Variants in HMCN1 observed in about 807,000 individuals in gnomAD.
HMCN1 encodes the protein hemicentin-1.
HMCN1 carries 321 observed loss-of-function variants against 625.9 expected under a neutral mutation model. That is an observed-to-expected ratio of 0.51 (90% CI 0.47 to 0.56). HMCN1 has a LOEUF of 0.56. Among genes scored for constraint, HMCN1 ranks in the 20% least tolerant of loss-of-function variants. HMCN1 has a pLI of 0.00. For missense variants in HMCN1, 6,588 were observed against 6,887.3 expected (o/e 0.96, Z 1.54); for synonymous variants, 2,425 against 2,417.6 (o/e 1.00, Z -0.09).
intron 48 of HMCN1, among the ~76,000 whole-genome samples, chr1:186,063,973 T>G (rs1186376298): frequency 6.6e-6 from 1 of 152,072 alleles, no homozygotes; most frequent in Non-Finnish European, 1.5e-5. Flanking sequence ...AAAGTCAGAG[T>G]TTAAAGGAAG....
chr1:186,128,367 TGTG>T, intron 83 of HMCN1, 76 bp downstream of exon 83: 1 of 1,212,712 alleles, frequency 8.2e-7, no homozygotes, highest in Non-Finnish European at 1.2e-6. Flanking sequence ...TTCCTCCAGC[TGTG>T]AAAATTGAAA....
At chr1:185,899,736 T>C (rs1207601420) in intron 4 of HMCN1, among the ~76,000 whole-genome samples, 1 of 152,146 alleles carries the variant, frequency 6.6e-6, no homozygotes, top group Non-Finnish European at 1.5e-5. Context: ...GATGTTATCC[T>C]AGTTTCTAAT....
In HMCN1 at chr1:186,108,725, A is replaced by C; in HGVS notation, c.10989+128A>C. On this transcript the variant is annotated intron_variant, in intron 71 of 106. Coordinates refer to ENST00000271588, the MANE Select transcript of HMCN1 (RefSeq NM_031935.3). ...GCTACTAATTATTCAACATTGCAGC[A>C]GTAAGCACAGGGTTTTTAAATTAGC... 4 of 1,090,826 alleles carry C rather than the reference A, an allele frequency of 3.7e-6. No homozygotes were observed. In the South Asian group the frequency reaches 5.4e-5, roughly 15 times the overall value. 67.6% of individuals were successfully genotyped at this position (1,090,826 alleles called of 1,614,324 possible).
chr1:185,777,312 A>C (rs191337561), intron 1 of HMCN1, among the ~76,000 whole-genome samples: 1 of 152,314 alleles, frequency 6.6e-6, no homozygotes, highest in Admixed American at 6.5e-5. Context: ...GGTATCATTC[A>C]ATACATTCAA....
chr1:186,088,310 G>GT (rs1659643218), intron 62 of HMCN1, 34 bp downstream of exon 62: 4 of 1,608,936 alleles, frequency 2.5e-6, no homozygotes, highest in Admixed American at 1.7e-5. Flanking sequence ...GTGTGTGTGT[G>GT]TTTTTTTCTC....
chr1:186,006,351 T>C (rs1330919572), intron 29 of HMCN1, among the ~76,000 whole-genome samples: 2 of 152,126 alleles, frequency 1.3e-5, no homozygotes, highest in East Asian at 1.9e-4. Context: ...ATTGCAACTT[T>C]TAAAAAACTA....
At chr1:186,170,044 A>T (rs1228001816) in intron 100 of HMCN1, among the ~76,000 whole-genome samples, 2 of 152,240 alleles carry the variant, frequency 1.3e-5, no homozygotes, top group African/African-American at 4.8e-5. Flanking sequence ...GAAGACATTT[A>T]TGCAGCCAAC....
At position 186,083,541 on chromosome 1, in the gene HMCN1, A is replaced by G. The variant is rs1659303001; in HGVS notation, c.8884+580A>G. Among the ~76,000 whole-genome samples, 3 of 149,704 alleles carry G rather than the reference A, an allele frequency of 2.0e-5. No homozygotes were observed. The South Asian group carries it at 6.3e-4, about 32-fold the overall frequency. On this transcript the variant is annotated intron_variant, in intron 57 of 106. Transcript: ENST00000271588. ...AAAGTAGTTGAATATCTACTGCAAAAGAGTAGTTTTATTTTGTGAGATGCT... is the reference window on the plus strand; with the variant it reads ...AAAGTAGTTGAATATCTACTGCAAAGGAGTAGTTTTATTTTGTGAGATGCT...
intron 105 of HMCN1, among the ~76,000 whole-genome samples, chr1:186,184,571 T>C (rs2102673936): frequency 6.6e-6 from 1 of 152,324 alleles, no homozygotes; most frequent in East Asian, 1.9e-4. Flanking sequence ...TTCTAAAAAT[T>C]TGGAAACATT....
intron 1 of HMCN1, among the ~76,000 whole-genome samples, chr1:185,783,951 T>C (rs1657358709): frequency 6.6e-6 from 1 of 152,148 alleles, no homozygotes; most frequent in Non-Finnish European, 1.5e-5. Flanking sequence ...AGAGGTAGAG[T>C]CTACAGAGGC....
chr1:186,085,192 G>A (rs996832534), intron 57 of HMCN1, among the ~76,000 whole-genome samples: 7 of 152,160 alleles, frequency 4.6e-5, no homozygotes, highest in African/African-American at 1.4e-4. Flanking sequence ...AAACCTTCAC[G>A]CCCTCCTCAA....
At chr1:185,926,298 T>G (rs1052421781) in intron 9 of HMCN1, among the ~76,000 whole-genome samples, 4 of 152,158 alleles carry the variant, frequency 2.6e-5, no homozygotes, top group African/African-American at 9.6e-5. Context: ...AATCAAAAAT[T>G]TATGGCAGGA....
chr1:185,971,310 C>T (rs1650813230), intron 15 of HMCN1, among the ~76,000 whole-genome samples: 1 of 152,092 alleles, frequency 6.6e-6, no homozygotes, highest in African/African-American at 2.4e-5. Context: ...TAAAGTACTA[C>T]AAAAAAATGT....
At chr1:185,881,423 T>A (rs952755187) in intron 4 of HMCN1, among the ~76,000 whole-genome samples, 1 of 152,206 alleles carries the variant, frequency 6.6e-6, no homozygotes, top group African/African-American at 2.4e-5. Context: ...GTCAAGCTGC[T>A]GCTCTCTGAC....
At chr1:186,014,120 G>A (rs1393818405) in intron 30 of HMCN1, among the ~76,000 whole-genome samples, 1 of 152,092 alleles carries the variant, frequency 6.6e-6, no homozygotes, top group Non-Finnish European at 1.5e-5. Flanking sequence ...TCAGTGATAA[G>A]TCATGTTGAT....
intron 1 of HMCN1, among the ~76,000 whole-genome samples, chr1:185,828,642 A>G (rs913889726): frequency 4.6e-5 from 7 of 152,152 alleles, no homozygotes; most frequent in African/African-American, 1.4e-4. Context: ...AGTGTTAACA[A>G]GAGTCAATCC....
At chr1:186,162,301 T>TA in intron 97 of HMCN1, among the ~76,000 whole-genome samples, 1 of 152,232 alleles carries the variant, frequency 6.6e-6, no homozygotes, top group African/African-American at 2.4e-5. Context: ...GTATTGGTTA[T>TA]TCTAGTTATA....
chr1:186,028,908 G>A (rs542536671), intron 36 of HMCN1, among the ~76,000 whole-genome samples: 1 of 151,620 alleles, frequency 6.6e-6, no homozygotes, highest in East Asian at 1.9e-4. Context: ...TGTCTTTTTA[G>A]TAGAGACGGG....
intron 46 of HMCN1, 77 bp from the exon 47 acceptor site, chr1:186,061,774 T>C (rs1297398209): frequency 1.1e-5 from 10 of 906,696 alleles, no homozygotes; most frequent in East Asian, 2.5e-5. Flanking sequence ...TTTACCGAAA[T>C]TGAGCATCAC....
Sources: gnomAD v4.1 joint callset for allele counts (sites outside exome capture counted in the v4.1 genomes callset) on GRCh38, gnomAD v4.1.1 for gene constraint, MANE v1.5 for transcripts, NCBI Gene and HGNC (gene_info 2026-07-23, HGNC 2026-07-21) for gene names.